The following CRPPA variants were observed in gnomAD, a reference collection of about 807,000 sequenced individuals.
The protein encoded by CRPPA is D-ribitol-5-phosphate cytidylyltransferase.
In CRPPA, 43 loss-of-function variants were observed where a neutral mutation model predicts 52.0. That is an observed-to-expected ratio of 0.83 (90% CI 0.65 to 1.07). The LOEUF (loss-of-function observed/expected upper bound fraction) is 1.07. Ranked by LOEUF, CRPPA falls within the 50% of genes least tolerant of loss-of-function variation. The pLI is 0.00. For synonymous variants in CRPPA, 250 were observed against 203.5 expected (o/e 1.23, Z -1.94); for missense variants, 629 against 551.7 (o/e 1.14, Z -1.40).
In CRPPA at chr7:16,261,666, G is replaced by A. The variant is rs572011804; in HGVS notation, c.934-2654C>T. Among the ~76,000 whole-genome samples the A allele has an allele frequency of 2.0e-5, 3 of 151,750 alleles. No homozygotes were observed. In the South Asian group the frequency reaches 6.2e-4, roughly 32 times the overall value. ...TTTTGCTTAAGAATAGTTTATCTAG[G>A]AATAAAAATTTGGTTCATACTTTCC... On this transcript the variant is annotated intron_variant, in intron 6 of 9. Transcript: ENST00000407010.
At chr7:16,124,978 GGCCAGGTGCAGTGGCTCAC>G (rs1451833811) in intron 9 of CRPPA, among the ~76,000 whole-genome samples, 5 of 152,006 alleles carry the variant, frequency 3.3e-5, no homozygotes, top group Non-Finnish European at 7.4e-5. Context: ...ACTGTGAATA[GGCCAGGTGCAGTGGCTCAC>G]GCCTGTAATC....
intron 3 of CRPPA, among the ~76,000 whole-genome samples, chr7:16,360,235 T>G (rs66740688): frequency 0.26 from 40,083 of 152,130 alleles, 5,343 homozygotes; most frequent in Non-Finnish European, 0.3. Context: ...GAAGATAAAT[T>G]GTTTTTAAAG....
intron 6 of CRPPA, among the ~76,000 whole-genome samples, chr7:16,274,742 T>G (rs975766602): frequency 4.6e-5 from 7 of 152,100 alleles, no homozygotes; most frequent in Non-Finnish European, 8.8e-5. Flanking sequence ...CTGTCTATAT[T>G]TATAGACGAA....
intron 2 of CRPPA, among the ~76,000 whole-genome samples, chr7:16,393,495 T>G (rs79378234): frequency 1.3e-5 from 2 of 152,064 alleles, no homozygotes; most frequent in Admixed American, 1.3e-4. Context: ...AGGGGATAAT[T>G]ATTCAATAAA....
chr7:16,166,431 C>A (rs1027016343), intron 9 of CRPPA, among the ~76,000 whole-genome samples: 2 of 152,052 alleles, frequency 1.3e-5, no homozygotes, highest in African/African-American at 4.8e-5. Context: ...AGGCTGGCAT[C>A]ACCACGCCCA....
At chr7:16,385,819 G>C (rs1003888721) in intron 2 of CRPPA, among the ~76,000 whole-genome samples, 1 of 152,202 alleles carries the variant, frequency 6.6e-6, no homozygotes, top group Non-Finnish European at 1.5e-5. Context: ...TGGCTCATCT[G>C]TTTGGCTGCC....
chr7:16,304,085 A>T (rs912971350), intron 4 of CRPPA, among the ~76,000 whole-genome samples: 14 of 152,172 alleles, frequency 9.2e-5, no homozygotes, highest in Non-Finnish European at 1.8e-4. Flanking sequence ...TTAAAAGTAA[A>T]TGGGGTCACA....
At chr7:16,113,395 AG>A (rs1442665542) in intron 9 of CRPPA, among the ~76,000 whole-genome samples, 1 of 152,132 alleles carries the variant, frequency 6.6e-6, no homozygotes, top group Non-Finnish European at 1.5e-5. Flanking sequence ...TAAAAACAAC[AG>A]GCAAAAAAAT....
intron 2 of CRPPA, among the ~76,000 whole-genome samples, chr7:16,388,114 G>T (rs1787340273): frequency 1.3e-5 from 2 of 152,124 alleles, no homozygotes; most frequent in South Asian, 4.1e-4. Context: ...CTCCCAAGTA[G>T]CTGGGACTAC....
chr7:16,261,777 A>AT (rs1783811297), intron 6 of CRPPA: 1 of 151,768 alleles, frequency 6.6e-6, no homozygotes, highest in South Asian at 2.1e-4. Flanking sequence ...TCATTCAGCC[A>AT]TTTTCCATTC....
At chr7:16,133,313 T>C (rs1286878086) in intron 9 of CRPPA, among the ~76,000 whole-genome samples, 1 of 117,628 alleles carries the variant, frequency 8.5e-6, no homozygotes, top group Non-Finnish European at 1.9e-5. Context: ...TGAGCATCTG[T>C]CTCAAAAAAA....
At chr7:16,322,842 G>T (rs575836158) in intron 3 of CRPPA, among the ~76,000 whole-genome samples, 7 of 152,278 alleles carry the variant, frequency 4.6e-5, no homozygotes, top group African/African-American at 1.7e-4. Context: ...ATAAGGAAAA[G>T]ACGTTTAATT....
rs965746250 is a variant in CRPPA at position 16,216,766 on chromosome 7, C to T, written c.1120-569G>A. ...AAAACGGCGCACCACGAGATTATAT[C>T]CTGCAACTGGCTCTGAGGGTCCTAC... On this transcript the variant is annotated intron_variant, in intron 8 of 9. Coordinates refer to ENST00000407010, the MANE Select transcript of CRPPA (RefSeq NM_001101426.4). Among the ~76,000 whole-genome samples the T allele has an allele frequency of 4.9e-4, 75 of 152,248 alleles. 1 individual carries two copies. The highest frequency in any genetic ancestry group is 1.8e-3 in the Admixed American group (28 of 15,290).
At chr7:16,174,013 G>A (rs1212954451) in intron 9 of CRPPA, among the ~76,000 whole-genome samples, 1 of 152,034 alleles carries the variant, frequency 6.6e-6, no homozygotes, top group Non-Finnish European at 1.5e-5. Context: ...AATGTGGAAG[G>A]TAAATAAATG....
chr7:16,379,522 T>C (rs925977848), intron 2 of CRPPA, among the ~76,000 whole-genome samples: 1 of 152,222 alleles, frequency 6.6e-6, no homozygotes, highest in African/African-American at 2.4e-5. Context: ...TCCAATTCTA[T>C]GAAGAAAGTC....
chr7:16,190,724 G>A (rs1562548069), intron 9 of CRPPA, among the ~76,000 whole-genome samples: 2 of 152,048 alleles, frequency 1.3e-5, no homozygotes, highest in Non-Finnish European at 2.9e-5. Flanking sequence ...CACCCAAGCA[G>A]TGTACACTGC....
intron 9 of CRPPA, among the ~76,000 whole-genome samples, chr7:16,135,504 T>C (rs1043901292): frequency 1.3e-5 from 2 of 152,114 alleles, no homozygotes; most frequent in Non-Finnish European, 1.5e-5. Flanking sequence ...CCTTTTGGAA[T>C]CCACAAACTT....
chr7:16,397,473 T>G (rs556144861), intron 2 of CRPPA, among the ~76,000 whole-genome samples: 1 of 152,224 alleles, frequency 6.6e-6, no homozygotes, highest in African/African-American at 2.4e-5. Flanking sequence ...ATGTGACTCA[T>G]AGTTGACATA....
At chr7:16,333,524 A>G (rs1054674670) in intron 3 of CRPPA, among the ~76,000 whole-genome samples, 7 of 152,234 alleles carry the variant, frequency 4.6e-5, no homozygotes, top group Admixed American at 4.6e-4. Context: ...AGAACTTAGT[A>G]AAGTTTCTGG....
Sources: allele counts gnomAD v4.1 joint callset (sites outside exome capture counted in the v4.1 genomes callset), GRCh38; gene constraint gnomAD v4.1.1; transcripts MANE v1.5; gene names NCBI Gene and HGNC (gene_info 2026-07-23, HGNC 2026-07-21).